The following PIWIL2 variants were observed in gnomAD, a reference collection of about 807,000 sequenced individuals.
PIWIL2 encodes the protein piwi-like protein 2.
A neutral mutation model predicts 116.5 loss-of-function variants in PIWIL2; 81 were observed. The ratio of observed to expected loss-of-function variants is 0.70; its 90% CI spans 0.58 to 0.84. PIWIL2 has a LOEUF of 0.84. PIWIL2 is among the 40% of genes least tolerant of loss of function. The probability of loss-of-function intolerance (pLI) is 0.00; values close to 1 mark genes in which losing one functional copy is unlikely to be tolerated. For synonymous variants in PIWIL2, 489 were observed against 429.5 expected (o/e 1.14, Z -1.71); for missense variants, 1,272 against 1,212.3 (o/e 1.05, Z -0.73).
chr8:22,320,922 G>T (rs1280876700), intron 20 of PIWIL2, among the ~76,000 whole-genome samples: 3 of 152,124 alleles, frequency 2.0e-5, no homozygotes, highest in Non-Finnish European at 2.9e-5. Context: ...AGTGCAGTCT[G>T]CTGCAAGCAC....
chr8:22,277,359 C>G (rs979917812), intron 1 of PIWIL2, among the ~76,000 whole-genome samples: 1 of 151,910 alleles, frequency 6.6e-6, no homozygotes, highest in African/African-American at 2.4e-5. Context: ...ACCTGATGGG[C>G]TTTAGATTTG....
intron 20 of PIWIL2, among the ~76,000 whole-genome samples, chr8:22,318,984 A>G (rs1339522541): frequency 6.6e-6 from 1 of 152,184 alleles, no homozygotes; most frequent in Non-Finnish European, 1.5e-5. Flanking sequence ...ATGCCTCCTT[A>G]TAAATCACCC....
At chr8:22,299,035 C>T (rs1255677815) in intron 10 of PIWIL2, among the ~76,000 whole-genome samples, 1 of 152,122 alleles carries the variant, frequency 6.6e-6, no homozygotes, top group East Asian at 1.9e-4. Context: ...ACTATGGTGA[C>T]AGAGTAATCC....
intron 2 of PIWIL2, among the ~76,000 whole-genome samples, chr8:22,280,613 T>G (rs754770892): frequency 3.9e-5 from 6 of 152,226 alleles, no homozygotes; most frequent in Non-Finnish European, 8.8e-5. Flanking sequence ...CAGATCCAAC[T>G]GGTATAACAG....
chr8:22,315,014 G>T lies in PIWIL2; in HGVS notation c.2092-15G>T, dbSNP rs762988692. ...GACCTGCTTCTCCTGACACCTTTTG[G>T]TCCCTTCATTATAGGTTGTCAATGT... On this transcript the variant is annotated splice_polypyrimidine_tract_variant and intron_variant, in intron 17 of 22. Coordinates refer to ENST00000356766, the MANE Select transcript of PIWIL2 (RefSeq NM_018068.5). 1.3e-6 allele frequency: 2 copies of T among 1,499,978 alleles called. No homozygotes were observed. The highest frequency in any genetic ancestry group is 1.1e-5 in the South Asian group (1 of 88,600). The allele number at this position is 1,499,978 out of a possible 1,614,324, so 92.9% of individuals were successfully genotyped here.
intron 20 of PIWIL2, among the ~76,000 whole-genome samples, chr8:22,341,684 G>A (rs567906822): frequency 1.3e-5 from 2 of 151,424 alleles, no homozygotes; most frequent in African/African-American, 4.8e-5. Flanking sequence ...AAAAGCTACA[G>A]CTAACATACT....
chr8:22,336,790 A>C (rs1831989934), intron 20 of PIWIL2, among the ~76,000 whole-genome samples: 1 of 152,186 alleles, frequency 6.6e-6, no homozygotes, highest in Non-Finnish European at 1.5e-5. Context: ...AATGGAGACT[A>C]GAAAAACAAT....
In PIWIL2 at chr8:22,353,027, A is replaced by G; in HGVS notation, c.2472A>G (p.Thr824=). The change falls in exon 21 of 23, where the codon ACA becomes ACG. Residue 824 remains threonine (T), a synonymous_variant. Transcript: ENST00000356766. ...RDGVSDGQLK[T]VANYEIPQLQ... is the part of the protein sequence containing the mutation. ...GAGTGTCTGATGGCCAACTGAAGAC[A>G]GTTGCCAACTATGAGATTCCTCAAC... 6.2e-7 allele frequency: 1 copy of G among 1,613,658 alleles called. No homozygotes were observed. The highest frequency in any genetic ancestry group is 8.5e-7 in the Non-Finnish European group (1 of 1,179,502).
At chr8:22,301,662 A>G (rs922112953) in intron 10 of PIWIL2, among the ~76,000 whole-genome samples, 6 of 151,822 alleles carry the variant, frequency 4.0e-5, no homozygotes, top group African/African-American at 1.5e-4. Flanking sequence ...TTTCTTTCAT[A>G]GGTTTTGGTT....
chr8:22,278,513 C>T (rs1413613232), intron 1 of PIWIL2, among the ~76,000 whole-genome samples: 1 of 152,172 alleles, frequency 6.6e-6, no homozygotes, highest in Non-Finnish European at 1.5e-5. Flanking sequence ...GAAGGAGACC[C>T]TCCTAAAAAA....
At position 22,315,041 on chromosome 8, in the gene PIWIL2, C is replaced by A; in HGVS notation, c.2104C>A (p.Arg702=). ...CCCTTCATTATAGGTTGTCAATGTT[C>A]GAACCATTGGTCAGCCCACCAGGCT... The part of the protein sequence containing the change: ...SPVPSQVVNV[R]TIGQPTRLRS... The change falls in exon 18 of 23, where the codon CGA becomes AGA. Residue 702 remains arginine, a synonymous_variant. Coordinates refer to ENST00000356766, the MANE Select transcript of PIWIL2 (RefSeq NM_018068.5). The A allele has an allele frequency of 2.5e-6, 4 of 1,610,028 alleles. No homozygotes were observed. Among genetic ancestry groups the A allele is most frequent in the Non-Finnish European group, 3.4e-6 (4 of 1,176,300 alleles).
intron 20 of PIWIL2, among the ~76,000 whole-genome samples, chr8:22,330,342 A>G (rs11773930): frequency 0.52 from 79,552 of 151,968 alleles, 24,232 homozygotes; most frequent in East Asian, 0.82. Flanking sequence ...GGTGAGACAC[A>G]TTCTCATACT....
intron 20 of PIWIL2, among the ~76,000 whole-genome samples, chr8:22,322,604 C>T (rs937001832): frequency 1.3e-5 from 2 of 151,072 alleles, no homozygotes; most frequent in African/African-American, 4.9e-5. Context: ...CTGTCCCGTC[C>T]CATCCCATCT....
intron 20 of PIWIL2, among the ~76,000 whole-genome samples, chr8:22,324,380 A>G (rs1360439041): frequency 6.6e-6 from 1 of 151,904 alleles, no homozygotes; most frequent in Admixed American, 6.6e-5. Flanking sequence ...TGAAAGGGAC[A>G]TTAAGTTTGG....
chr8:22,276,503 A>T (rs978347117), intron 1 of PIWIL2, among the ~76,000 whole-genome samples: 7 of 151,994 alleles, frequency 4.6e-5, no homozygotes, highest in African/African-American at 1.7e-4. Context: ...TTTAGTAGAG[A>T]TGAGGGTTCA....
At chr8:22,301,411 G>A (rs951990948) in intron 10 of PIWIL2, among the ~76,000 whole-genome samples, 3 of 151,596 alleles carry the variant, frequency 2.0e-5, no homozygotes, top group Admixed American at 6.6e-5. Flanking sequence ...CTCATGCCTT[G>A]GCCTCCTGAG....
chr8:22,294,230 T>C (rs1249871327), intron 10 of PIWIL2, among the ~76,000 whole-genome samples: 1 of 148,674 alleles, frequency 6.7e-6, no homozygotes, highest in Non-Finnish European at 1.5e-5. Context: ...TCCAGCTACT[T>C]AGGAGGCGGA....
rs1322443777 is a variant in PIWIL2, at chr8:22,356,413, C to T, written c.*908C>T. ...GGATTCGAAAATGGCTTCCCTTGGCCTCTTGAAAGAGTGCAGATGAAGCCT... is the reference window on the plus strand; with the variant it reads ...GGATTCGAAAATGGCTTCCCTTGGCTTCTTGAAAGAGTGCAGATGAAGCCT... On this transcript the variant is annotated 3_prime_UTR_variant, in exon 23 of 23. Transcript: ENST00000356766. The T allele has an allele frequency of 6.6e-6, 1 of 152,222 alleles. No homozygotes were observed. Among genetic ancestry groups the T allele is most frequent in the Admixed American group, 6.5e-5 (1 of 15,280 alleles). The allele number at this position is 152,222 out of a possible 1,614,324, so 9.4% of individuals were successfully genotyped here.
chr8:22,313,392 CA>C (rs1237823827), intron 16 of PIWIL2, among the ~76,000 whole-genome samples: 5 of 152,086 alleles, frequency 3.3e-5, no homozygotes, highest in Non-Finnish European at 2.9e-5. Flanking sequence ...TGGTAAAGGC[CA>C]AAAACCTGGA....
Sources: allele counts gnomAD v4.1 joint callset (sites outside exome capture counted in the v4.1 genomes callset), GRCh38; gene constraint gnomAD v4.1.1; transcripts MANE v1.5; gene names NCBI Gene and HGNC (gene_info 2026-07-23, HGNC 2026-07-21).